The following URB1 variants were observed in gnomAD, a reference collection of about 807,000 sequenced individuals.
The protein encoded by URB1 is URB1 ribosome biogenesis factor.
Under a neutral mutation model 242.3 loss-of-function variants are expected in URB1, and 197 were observed. That is an observed-to-expected ratio of 0.81 (90% confidence interval 0.72 to 0.91). URB1 has a LOEUF of 0.91. Ranked by LOEUF, URB1 falls within the 40% of genes least tolerant of loss-of-function variation. The probability of loss-of-function intolerance (pLI) is 0.00; values close to 1 mark genes in which losing one functional copy is unlikely to be tolerated. For synonymous variants in URB1, 1,153 were observed against 1,201.8 expected, an observed-to-expected ratio of 0.96 and a Z score of 0.84; for missense variants, 2,721 against 2,860.5, an observed-to-expected ratio of 0.95 and a Z score of 1.11.
At chr21:32,330,039 C>T (rs1466648668) in intron 30 of URB1, among the ~76,000 whole-genome samples, 1 of 152,190 alleles carries the variant, frequency 6.6e-6, no homozygotes. Context: ...ATGTGTCACA[C>T]TTCAACTATT....
chr21:32,349,210 C>A, intron 21 of URB1, 94 bp downstream of exon 21: 1 of 1,407,430 alleles, frequency 7.1e-7, no homozygotes, highest in Non-Finnish European at 9.4e-7. Context: ...CCAATTTTCC[C>A]ACAATGGACC....
chr21:32,369,845 AT>A (rs1402886097), intron 8 of URB1, among the ~76,000 whole-genome samples: 1 of 152,102 alleles, frequency 6.6e-6, no homozygotes, highest in Non-Finnish European at 1.5e-5. Context: ...CTGAAAAGTT[AT>A]CTCAAAGTGG....
At chr21:32,338,631 C>T (rs2123567526) in intron 26 of URB1, 76 bp downstream of exon 26, 1 of 1,485,702 alleles carries the variant, frequency 6.7e-7, no homozygotes, top group East Asian at 2.5e-5. Context: ...GGGAGATGAG[C>T]CTCAGTGCAG....
At chr21:32,344,818 T>C (rs1461999569) in intron 23 of URB1, 62 bp from the exon 24 acceptor site, 1 of 1,485,716 alleles carries the variant, frequency 6.7e-7, no homozygotes, top group Non-Finnish European at 9.0e-7. Flanking sequence ...ACTTTACGTA[T>C]AATCCAGCAT....
Position 32,312,517 on chromosome 21 carries a change from C to T in URB1, c.*2401G>A, listed in dbSNP as rs1042528339. 75 of 192,098 alleles carry T rather than the reference C, an allele frequency of 3.9e-4. No individual in the cohort carries two copies. Among genetic ancestry groups the T allele is most frequent in the African/African-American group, 1.7e-3 (74 of 43,000 alleles). 11.9% of individuals were successfully genotyped at this position (192,098 alleles called of 1,614,324 possible). On this transcript the variant is annotated 3_prime_UTR_variant, in exon 39 of 39. Coordinates refer to ENST00000382751, the MANE Select transcript of URB1 (RefSeq NM_014825.3). Reference sequence around the variant, plus strand: ...GTTGCACCTTCAACCTCCCCACAGCCTTTCAAAGACAGAGCCCAAGAAAGT... The same window carrying T: ...GTTGCACCTTCAACCTCCCCACAGCTTTTCAAAGACAGAGCCCAAGAAAGT...
intron 4 of URB1, among the ~76,000 whole-genome samples, chr21:32,382,416 T>C (rs2146053173): frequency 6.6e-6 from 1 of 152,288 alleles, no homozygotes; most frequent in South Asian, 2.1e-4. Context: ...AGAGAATACC[T>C]TATTTGTAAT....
intron 13 of URB1, 70 bp downstream of exon 13, chr21:32,360,937 G>C: frequency 1.8e-6 from 2 of 1,126,436 alleles, no homozygotes; most frequent in Non-Finnish European, 2.5e-6. Context: ...CCTGATTCTT[G>C]GCTGCAGGGC....
intron 4 of URB1, among the ~76,000 whole-genome samples, chr21:32,382,097 G>A (rs576831280): frequency 2.6e-4 from 40 of 152,254 alleles, no homozygotes; most frequent in African/African-American, 8.7e-4. Context: ...CCCTGCAGCC[G>A]GGCTTCAGGA....
chr21:32,345,346 A>G (rs1470602067), intron 23 of URB1, 28 bp downstream of exon 23: 2 of 1,544,632 alleles, frequency 1.3e-6, no homozygotes, highest in Non-Finnish European at 8.8e-7. Flanking sequence ...AGAGTGGAAC[A>G]TCCTGCAACC....
In URB1 at chr21:32,341,511, TC is replaced by T; in HGVS notation, c.4270del (p.Glu1424LysfsTer11). On this transcript the variant is annotated frameshift_variant, in exon 25 of 39. Transcript: ENST00000382751. LOFTEE classifies it high-confidence loss of function. ...TTTCTGCCAGTCACCAGGATCAACT[TC>T]ATTAAGTGCATGCTATGAATAAAAT... Reference protein sequence around the residue: ...RLNALLHALNEVDPGDWQKFV... With the variant: ...RLNALLHALNXVDPGDWQKFV... 1 of 1,551,494 alleles carries T rather than the reference TC, an allele frequency of 6.4e-7. No individual in the cohort carries two copies. Among genetic ancestry groups the T allele is most frequent in the Non-Finnish European group, 8.7e-7 (1 of 1,146,972 alleles).
intron 18 of URB1, among the ~76,000 whole-genome samples, chr21:32,353,141 C>G (rs2033177669): frequency 6.6e-6 from 1 of 152,142 alleles, no homozygotes; most frequent in African/African-American, 2.4e-5. Flanking sequence ...GGAGTGAAGA[C>G]CCAGGCATGT....
In URB1 at chr21:32,341,590, A is replaced by AG. The variant is rs1261569290; in HGVS notation, c.4258-67dup. The AG allele has an allele frequency of 2.1e-6, 3 of 1,442,658 alleles. No homozygotes were observed. The African/African-American group carries it at 4.3e-5, about 20-fold the overall frequency. 89.4% of individuals were successfully genotyped at this position (1,442,658 alleles called of 1,614,324 possible). ...AGTCTACAAAATACTAAAAGGCCCC[A>AG]GCTGCAGAGCCTTCAGAAAGGCATC... On this transcript the variant is annotated intron_variant, in intron 24 of 38. Coordinates refer to ENST00000382751, the MANE Select transcript of URB1 (RefSeq NM_014825.3).
intron 36 of URB1, among the ~76,000 whole-genome samples, 186 bp downstream of exon 36, chr21:32,319,031 A>C (rs1381616230): frequency 6.6e-6 from 1 of 152,092 alleles, no homozygotes; most frequent in Non-Finnish European, 1.5e-5. Flanking sequence ...GCAAAGAAAG[A>C]GCTAATAAAA....
chr21:32,327,960 T>C (rs2032849106), intron 30 of URB1, among the ~76,000 whole-genome samples: 1 of 152,316 alleles, frequency 6.6e-6, no homozygotes, highest in South Asian at 2.1e-4. Context: ...AAATGATGTA[T>C]GCACTCCAAA....
At chr21:32,390,809 C>T (rs987673232) in intron 1 of URB1, among the ~76,000 whole-genome samples, 44 of 152,108 alleles carry the variant, frequency 2.9e-4, no homozygotes, top group Non-Finnish European at 4.7e-4. Context: ...GTCAGTGTGG[C>T]GATTCCTCAG....
rs1041955767 is a variant in URB1 at position 32,313,195 on chromosome 21, G to A, written c.*1723C>T. On this transcript the variant is annotated 3_prime_UTR_variant, in exon 39 of 39. Transcript: ENST00000382751. ...GGCCTGGAGCCAGGGATGAAGCCGT[G>A]GAAATCCACCCCACCTGCTCGCTGC... is the stretch of plus-strand genomic sequence containing the variant. 2 of 152,290 alleles carry A rather than the reference G, an allele frequency of 1.3e-5. No individual in the cohort carries two copies. Among genetic ancestry groups the A allele is most frequent in the Non-Finnish European group, 2.9e-5 (2 of 68,122 alleles). The allele number at this position is 152,290 out of a possible 1,614,324, so 9.4% of individuals were successfully genotyped here.
At chr21:32,351,614 G>A (rs1157807147) in intron 19 of URB1, among the ~76,000 whole-genome samples, 2 of 152,160 alleles carry the variant, frequency 1.3e-5, no homozygotes, top group South Asian at 2.1e-4. Flanking sequence ...CAGACCTGCC[G>A]GGCCAGACAC....
intron 10 of URB1, among the ~76,000 whole-genome samples, chr21:32,363,921 A>G (rs1601147443): frequency 6.6e-6 from 1 of 150,602 alleles, no homozygotes; most frequent in South Asian, 2.1e-4. Context: ...CTCCCAAAGC[A>G]CTGGGATTAT....
chr21:32,333,446 G>A (rs1031449165), intron 29 of URB1, 27 bp from the exon 30 acceptor site: 30 of 1,522,320 alleles, frequency 2.0e-5, no homozygotes, highest in African/African-American at 2.8e-5. Flanking sequence ...CAACAAAAAC[G>A]TGTGATTCAA....
Sources: allele counts gnomAD v4.1 joint callset (sites outside exome capture counted in the v4.1 genomes callset), GRCh38; gene constraint gnomAD v4.1.1; transcripts MANE v1.5; gene names NCBI Gene and HGNC (gene_info 2026-07-23, HGNC 2026-07-21).